Variants in GABRA2 observed in about 807,000 individuals in gnomAD.
GABRA2 encodes the protein gamma-aminobutyric acid type A receptor subunit alpha2.
A neutral mutation model predicts 48.7 loss-of-function variants in GABRA2; 16 were observed. The ratio of observed to expected loss-of-function variants is 0.33; its 90% confidence interval spans 0.22 to 0.50. GABRA2 has a LOEUF of 0.50. Ranked by LOEUF, GABRA2 falls within the 20% of genes least tolerant of loss-of-function variation. The probability of loss-of-function intolerance (pLI) is 0.98; values close to 1 mark genes in which losing one functional copy is unlikely to be tolerated. For missense variants in GABRA2, 275 were observed against 535.6 expected (o/e 0.51, Z 4.80); for synonymous variants, 185 against 184.5 (o/e 1.00, Z -0.02).
At chr4:46,293,190 C>T (rs1421174947) in intron 8 of GABRA2, among the ~76,000 whole-genome samples, 2 of 152,032 alleles carry the variant, frequency 1.3e-5, no homozygotes, top group African/African-American at 4.8e-5. Context: ...GTTGAATGGA[C>T]AAAAGACTAA....
At chr4:46,365,818 A>G (rs1039857497) in intron 3 of GABRA2, 1 of 152,210 alleles carries the variant, frequency 6.6e-6, no homozygotes, top group African/African-American at 2.4e-5. Context: ...TACATGGGTC[A>G]AATGGGAACA....
At chr4:46,340,949 G>T (rs1479204512) in intron 3 of GABRA2, among the ~76,000 whole-genome samples, 3 of 151,660 alleles carry the variant, frequency 2.0e-5, no homozygotes, top group Non-Finnish European at 4.4e-5. Flanking sequence ...TCCTTAGAAT[G>T]AATAATCTCA....
chr4:46,365,005 C>A (rs1056613209), intron 3 of GABRA2: 44 of 152,040 alleles, frequency 2.9e-4, no homozygotes, highest in African/African-American at 9.9e-4. Flanking sequence ...AAAAGGTTAC[C>A]TTTTTTAAGT....
At chr4:46,284,954 G>A (rs1722253062) in intron 8 of GABRA2, among the ~76,000 whole-genome samples, 2 of 148,590 alleles carry the variant, frequency 1.3e-5, no homozygotes, top group Admixed American at 1.4e-4. Context: ...AATTTAAAGT[G>A]AGAAATTTAA....
In GABRA2 at chr4:46,386,341, T is replaced by A. The variant is rs1158704873; in HGVS notation, c.72-152A>T. On this transcript the variant is annotated intron_variant, in intron 2 of 9. Coordinates refer to ENST00000381620, the MANE Select transcript of GABRA2 (RefSeq NM_000807.4). Reference sequence around the variant, plus strand: ...TTTTTTTAACTTCTATAAATATCGGTTTGTCTTCAAAAAAGGTAAACATGA... The same window carrying A: ...TTTTTTTAACTTCTATAAATATCGGATTGTCTTCAAAAAAGGTAAACATGA... 5 of 566,150 alleles carry A rather than the reference T, an allele frequency of 8.8e-6. No individual in the cohort carries two copies. The African/African-American group carries it at 1.0e-4, about 11-fold the overall frequency. 35.1% of individuals were successfully genotyped at this position (566,150 alleles called of 1,614,324 possible).
At chr4:46,356,476 T>C (rs1735992037) in intron 3 of GABRA2, among the ~76,000 whole-genome samples, 1 of 149,486 alleles carries the variant, frequency 6.7e-6, no homozygotes, top group South Asian at 2.1e-4. Flanking sequence ...GCTTCCCACA[T>C]GTATAGTATC....
Position 46,384,701 on chromosome 4 carries a change from T to C in GABRA2, c.187+1373A>G, listed in dbSNP as rs575551738. 2.6e-5 allele frequency among the ~76,000 whole-genome samples: 4 copies of C among 152,316 alleles called. No homozygotes were observed. The East Asian group carries it at 7.7e-4, about 29-fold the overall frequency. ...ACCACGATTGTGAATTATGGGAACC[T>C]TACTTCTTACTTACTAGGCTTACTT... On this transcript the variant is annotated intron_variant, in intron 3 of 9. Coordinates refer to ENST00000381620, the MANE Select transcript of GABRA2 (RefSeq NM_000807.4).
chr4:46,342,298 T>C (rs1329302394), intron 3 of GABRA2, among the ~76,000 whole-genome samples: 1 of 152,048 alleles, frequency 6.6e-6, no homozygotes, highest in African/African-American at 2.4e-5. Context: ...CCACTGCTCT[T>C]GTTGCGTTTA....
At chr4:46,264,179 AC>A (rs1717640475) in intron 8 of GABRA2, among the ~76,000 whole-genome samples, 2 of 151,968 alleles carry the variant, frequency 1.3e-5, no homozygotes, top group Admixed American at 1.3e-4. Context: ...TTGATTTTGT[AC>A]CCTGAAACTT....
chr4:46,256,086 G>A, intron 9 of GABRA2: 1 of 435,734 alleles, frequency 2.3e-6, no homozygotes, highest in Non-Finnish European at 4.1e-6. Flanking sequence ...TACAGTTATT[G>A]TGGCTACTAG....
intron 3 of GABRA2, among the ~76,000 whole-genome samples, chr4:46,353,793 A>C (rs1178465477): frequency 6.6e-6 from 1 of 151,904 alleles, no homozygotes; most frequent in South Asian, 2.1e-4. Context: ...CAATTCTCCC[A>C]CTTCTTATTT....
At chr4:46,317,497 T>C (rs970052502) in intron 4 of GABRA2, among the ~76,000 whole-genome samples, 1 of 151,788 alleles carries the variant, frequency 6.6e-6, no homozygotes, top group African/African-American at 2.4e-5. Context: ...AGGCATTCTA[T>C]GGGAAGAGAA....
chr4:46,320,186 G>T (rs1729216976), intron 4 of GABRA2, among the ~76,000 whole-genome samples: 1 of 151,768 alleles, frequency 6.6e-6, no homozygotes, highest in Non-Finnish European at 1.5e-5. Context: ...TGGAATTTCT[G>T]AAAGGGGTAT....
At chr4:46,314,959 G>T (rs534507225) in intron 4 of GABRA2, among the ~76,000 whole-genome samples, 3 of 152,044 alleles carry the variant, frequency 2.0e-5, no homozygotes, top group African/African-American at 4.8e-5. Context: ...ATGCATGCAT[G>T]TGTCTTTTTG....
chr4:46,379,134 CAAT>C (rs1406422083), intron 3 of GABRA2, among the ~76,000 whole-genome samples: 1 of 152,148 alleles, frequency 6.6e-6, no homozygotes, highest in African/African-American at 2.4e-5. Flanking sequence ...TATGCAGAAA[CAAT>C]AAGATGCTTG....
chr4:46,379,028 A>C (rs2109347219), intron 3 of GABRA2, among the ~76,000 whole-genome samples: 1 of 152,252 alleles, frequency 6.6e-6, no homozygotes, highest in Non-Finnish European at 1.5e-5. Context: ...ACTGAGAAAA[A>C]ATTCTGCAAA....
chr4:46,259,342 G>A (rs1367765654), intron 9 of GABRA2, among the ~76,000 whole-genome samples: 2 of 151,750 alleles, frequency 1.3e-5, no homozygotes, highest in African/African-American at 4.8e-5. Context: ...TTTTTCTAAT[G>A]ATAAGACTTT....
chr4:46,268,203 A>G (rs565027823), intron 8 of GABRA2, among the ~76,000 whole-genome samples: 1 of 152,140 alleles, frequency 6.6e-6, no homozygotes, highest in East Asian at 1.9e-4. Context: ...AATGAGTGAG[A>G]TTACATCAAG....
intron 4 of GABRA2, among the ~76,000 whole-genome samples, chr4:46,324,009 T>A (rs1391041580): frequency 6.6e-6 from 1 of 151,828 alleles, no homozygotes; most frequent in Non-Finnish European, 1.5e-5. Flanking sequence ...CACTGATAGT[T>A]ATAATGCCGT....
Sources: gnomAD v4.1 joint callset for allele counts (sites outside exome capture counted in the v4.1 genomes callset) on GRCh38, gnomAD v4.1.1 for gene constraint, MANE v1.5 for transcripts, NCBI Gene and HGNC (gene_info 2026-07-23, HGNC 2026-07-21) for gene names.